Variants in LRRC66 observed in about 807,000 individuals in gnomAD.
LRRC66 encodes the protein leucine-rich repeat-containing protein 66.
In LRRC66, 29 loss-of-function variants were observed where a neutral mutation model predicts 24.6. The observed-to-expected ratio is 1.18, with a 90% confidence interval of 0.88 to 1.61. The LOEUF is 1.61. LRRC66 is among the 40% of genes most tolerant of loss of function. The probability of loss-of-function intolerance (pLI) is 0.00; values close to 1 mark genes in which losing one functional copy is unlikely to be tolerated. For missense variants in LRRC66, 1,124 were observed against 1,058.0 expected (o/e 1.06, Z -0.87); for synonymous variants, 411 against 397.6 (o/e 1.03, Z -0.40).
In LRRC66 at chr4:51,995,181, CAA is replaced by C; in HGVS notation, c.1839_1840del (p.Trp614GlyfsTer8). ...CTTAGAAAATTCCATCTGCGAGTCCCAAAGTGACTGTTCAGTGCCCCCTCTTT... is the reference window on the plus strand; with the variant it reads ...CTTAGAAAATTCCATCTGCGAGTCCCAGTGACTGTTCAGTGCCCCCTCTTT... On this transcript the variant is annotated frameshift_variant, in exon 5 of 5. Coordinates refer to ENST00000682860, the MANE Select transcript of LRRC66 (RefSeq NM_001024611.3). LOFTEE classifies it low-confidence loss of function (END_TRUNC). The C allele has an allele frequency of 6.2e-7, 1 of 1,614,218 alleles. No homozygotes were observed.
At chr4:51,996,232 T>C in intron 4 of LRRC66, 67 bp from the exon 5 acceptor site, 1 of 1,424,366 alleles carries the variant, frequency 7.0e-7, no homozygotes, top group Non-Finnish European at 9.4e-7. Context: ...GGTTTTTCTC[T>C]TTTTTACAGA....
At chr4:52,018,606 T>C in intron 1 of LRRC66, 1 of 985,070 alleles carries the variant, frequency 1.0e-6, no homozygotes, top group Non-Finnish European at 1.2e-6. Context: ...TGATCCATCC[T>C]AGGTGACTCC....
intron 2 of LRRC66, among the ~76,000 whole-genome samples, chr4:52,004,267 C>A (rs1736525070): frequency 6.6e-6 from 1 of 152,202 alleles, no homozygotes; most frequent in Admixed American, 6.5e-5. Context: ...CTTGGCCTCC[C>A]AAAGTGCTGG....
intron 1 of LRRC66, 77 bp from the exon 2 acceptor site, chr4:52,017,695 T>C: frequency 7.1e-7 from 1 of 1,407,516 alleles, no homozygotes. Flanking sequence ...AATTTAATTT[T>C]CAATTTAAGA....
intron 3 of LRRC66, among the ~76,000 whole-genome samples, chr4:52,002,603 G>C (rs915716344): frequency 6.6e-5 from 10 of 152,238 alleles, no homozygotes; most frequent in Admixed American, 6.5e-4. Flanking sequence ...CAACGCGCCA[G>C]AGACAGGAAC....
At position 51,995,682 on chromosome 4, in the gene LRRC66, G is replaced by A. The variant is rs765959229; in HGVS notation, c.1340C>T (p.Pro447Leu). 2 of 1,614,040 alleles carry A rather than the reference G, an allele frequency of 1.2e-6. No homozygotes were observed. The highest frequency in any genetic ancestry group is 2.7e-5 in the African/African-American group (2 of 74,908). The change falls in exon 5 of 5, where the codon CCT becomes CTT. Residue 447 changes from proline to leucine, a missense_variant. Physicochemically the swap from Pro to Leu is moderately conservative, Grantham distance 98. Coordinates refer to ENST00000682860, the MANE Select transcript of LRRC66 (RefSeq NM_001024611.3). ...CTGGTTCTCGTAGAGGCTTAGATGA[G>A]GAAATACTTGGCGCAGATGGGTCTC... ...HPETHLRQVF[P>L]HLSLYENQTP...
intron 2 of LRRC66, 59 bp downstream of exon 2, chr4:52,017,059 T>C (rs1736827791): frequency 4.0e-6 from 6 of 1,518,864 alleles, no homozygotes; most frequent in East Asian, 2.3e-5. Context: ...GGAATTCTTA[T>C]GAACATGAAA....
chr4:52,017,094 CT>C, intron 2 of LRRC66, 23 bp downstream of exon 2: 1 of 1,574,318 alleles, frequency 6.4e-7, no homozygotes, highest in South Asian at 1.2e-5. Context: ...CATTGTTTCT[CT>C]GCCTAGTTAA....
rs763504707 is a variant in LRRC66, at chr4:51,994,516, C to CT, written c.2505dup (p.Glu836ArgfsTer7). The CT allele has an allele frequency of 6.2e-7, 1 of 1,614,090 alleles. No homozygotes were observed. Among genetic ancestry groups the CT allele is most frequent in the African/African-American group, 1.3e-5 (1 of 74,924 alleles). ...AAGTCTCTAAGTGAGCAATGCCATT[C>CT]TGCTGCCTTGGATTGAAGAGCTGTG... On this transcript the variant is annotated frameshift_variant, in exon 5 of 5. Coordinates refer to ENST00000682860, the MANE Select transcript of LRRC66 (RefSeq NM_001024611.3). LOFTEE classifies it low-confidence loss of function (END_TRUNC).
intron 1 of LRRC66, among the ~76,000 whole-genome samples, chr4:52,018,907 G>A (rs969747882): frequency 4.6e-5 from 7 of 152,016 alleles, no homozygotes; most frequent in South Asian, 2.1e-4. Flanking sequence ...ATGGAGTTTC[G>A]CTCTTGTTAC....
intron 2 of LRRC66, among the ~76,000 whole-genome samples, chr4:52,004,995 C>G (rs1408884100): frequency 6.6e-6 from 1 of 152,144 alleles, no homozygotes; most frequent in African/African-American, 2.4e-5. Flanking sequence ...ATGGACCATC[C>G]AACCATAAAA....
At chr4:52,007,928 G>A (rs1736622741) in intron 2 of LRRC66, among the ~76,000 whole-genome samples, 1 of 152,140 alleles carries the variant, frequency 6.6e-6, no homozygotes, top group Non-Finnish European at 1.5e-5. Flanking sequence ...GAGCCCTTGA[G>A]GAATAACAAC....
Position 51,995,003 on chromosome 4 carries a change from C to T in LRRC66, c.2019G>A (p.Trp673Ter). 6.2e-7 allele frequency: 1 copy of T among 1,614,100 alleles called. No individual in the cohort carries two copies. The highest frequency in any genetic ancestry group is 1.1e-5 in the South Asian group (1 of 91,086). Residue 673 changes from tryptophan (W) to a stop codon, truncating the protein, a stop_gained, in exon 5 of 5, where the codon TGG (tryptophan) becomes TGA (stop). Coordinates refer to ENST00000682860, the MANE Select transcript of LRRC66 (RefSeq NM_001024611.3). LOFTEE classifies it low-confidence loss of function (END_TRUNC). ...CAGGAGTGACATCCAGGCCACTGTC[C>T]CATCTTGGAGGAAAGACTGATGGGC... ...DTGPSVFPPR[W>*]DSGLDVTPAN... is the part of the protein sequence containing the mutation.
At chr4:51,997,457 G>A (rs1736346025) in intron 4 of LRRC66, among the ~76,000 whole-genome samples, 1 of 152,146 alleles carries the variant, frequency 6.6e-6, no homozygotes, top group South Asian at 2.1e-4. Context: ...AAAGTTTGGT[G>A]TGTCAGAACA....
intron 2 of LRRC66, among the ~76,000 whole-genome samples, chr4:52,007,559 GTT>G (rs1051251408): frequency 6.6e-6 from 1 of 152,098 alleles, no homozygotes; most frequent in African/African-American, 2.4e-5. Context: ...CTTAAAAATT[GTT>G]TCTCATAGCT....
intron 2 of LRRC66, among the ~76,000 whole-genome samples, chr4:52,006,015 T>A (rs1736574724): frequency 6.6e-6 from 1 of 152,224 alleles, no homozygotes; most frequent in Non-Finnish European, 1.5e-5. Context: ...TTCTTAACAT[T>A]TTCATGATAC....
Position 51,994,323 on chromosome 4 carries a change from A to G in LRRC66, c.*56T>C, listed in dbSNP as rs1264357846. 7 of 1,481,196 alleles carry G rather than the reference A, an allele frequency of 4.7e-6. No individual in the cohort carries two copies. Among genetic ancestry groups the G allele is most frequent in the South Asian group, 1.4e-5 (1 of 73,550 alleles). The allele number at this position is 1,481,196 out of a possible 1,614,324, so 91.8% of individuals were successfully genotyped here. ...GTGAAGGCTTTAGTTTTCCCCTGCC[A>G]TGATCTTTAAAAGAATATTGTTTAG... On this transcript the variant is annotated 3_prime_UTR_variant, in exon 5 of 5. Transcript: ENST00000682860.
intron 2 of LRRC66, among the ~76,000 whole-genome samples, chr4:52,016,760 A>C (rs185897889): frequency 3.3e-5 from 5 of 152,332 alleles, no homozygotes; most frequent in Non-Finnish European, 7.4e-5. Context: ...TGTATTACAT[A>C]TTAAATGTAT....
intron 4 of LRRC66, among the ~76,000 whole-genome samples, chr4:51,996,754 C>G (rs777401142): frequency 6.6e-6 from 1 of 152,142 alleles, no homozygotes; most frequent in Non-Finnish European, 1.5e-5. Flanking sequence ...CTCAGAGGTC[C>G]TGGAGGTTGT....
Sources: allele counts gnomAD v4.1 joint callset (sites outside exome capture counted in the v4.1 genomes callset), GRCh38; gene constraint gnomAD v4.1.1; transcripts MANE v1.5; gene names NCBI Gene and HGNC (gene_info 2026-07-23, HGNC 2026-07-21).